The following ARAP2 variants were observed in gnomAD, a reference collection of about 807,000 sequenced individuals.
ARAP2 encodes arf-GAP with Rho-GAP domain, ANK repeat and PH domain-containing protein 2.
Under a neutral mutation model 194.5 loss-of-function variants are expected in ARAP2, and 148 were observed. The observed-to-expected ratio is 0.76, with a 90% CI of 0.67 to 0.87. ARAP2 has a LOEUF of 0.87. Among genes scored for constraint, ARAP2 ranks in the 40% least tolerant of loss-of-function variants. The pLI, the probability that ARAP2 is intolerant of heterozygous loss-of-function variation, is 0.00. For missense variants in ARAP2, 2,128 were observed against 1,989.7 expected (o/e 1.07, Z -1.32); for synonymous variants, 695 against 683.5 (o/e 1.02, Z -0.26).
intron 5 of ARAP2, among the ~76,000 whole-genome samples, chr4:36,029,224 T>A (rs895882932): frequency 1.3e-5 from 2 of 152,030 alleles, no homozygotes; most frequent in Admixed American, 6.6e-5. Context: ...TATTTGATTA[T>A]GTGTTTCTAC....
At chr4:36,025,908 G>C (rs963180737) in intron 5 of ARAP2, among the ~76,000 whole-genome samples, 2 of 152,166 alleles carry the variant, frequency 1.3e-5, no homozygotes, top group South Asian at 4.1e-4. Context: ...ATAAATTAGA[G>C]AGAAATAAAC....
At chr4:36,055,641 A>ACAACC (rs1393049620) in intron 2 of ARAP2, among the ~76,000 whole-genome samples, 1 of 151,882 alleles carries the variant, frequency 6.6e-6, no homozygotes, top group African/African-American at 2.4e-5. Flanking sequence ...TTGGCTCACC[A>ACAACC]CAACCTCTGC....
chr4:36,161,790 T>G (rs1734026298), intron 11 of ARAP2, among the ~76,000 whole-genome samples: 2 of 51,286 alleles, frequency 3.9e-5, no homozygotes, highest in African/African-American at 8.1e-5. Context: ...GCATCTGCAC[T>G]GACAAAAAAA....
chr4:36,230,422 T>C (rs935774152), intron 1 of ARAP2, among the ~76,000 whole-genome samples: 9 of 152,212 alleles, frequency 5.9e-5, no homozygotes, highest in East Asian at 1.9e-4. Flanking sequence ...ACAGGCAGCA[T>C]TGTATGTAAA....
At chr4:36,146,949 G>C in intron 19 of ARAP2, among the ~76,000 whole-genome samples, 1 of 151,960 alleles carries the variant, frequency 6.6e-6, no homozygotes, top group Non-Finnish European at 1.5e-5. Flanking sequence ...AGATAATTCA[G>C]AATATAATTT....
chr4:36,091,165 A>G (rs776315346), intron 28 of ARAP2, among the ~76,000 whole-genome samples: 11 of 152,178 alleles, frequency 7.2e-5, no homozygotes, highest in Non-Finnish European at 1.0e-4. Flanking sequence ...TTATTTTTTA[A>G]GCATTAAAAC....
intron 5 of ARAP2, among the ~76,000 whole-genome samples, chr4:36,029,243 C>G (rs549256234): frequency 3.6e-4 from 55 of 152,002 alleles, no homozygotes; most frequent in African/African-American, 1.3e-3. Context: ...ACTTATTTCT[C>G]CTTATACCTT....
chr4:36,239,549 T>C (rs1331188877), intron 1 of ARAP2, among the ~76,000 whole-genome samples: 1 of 152,166 alleles, frequency 6.6e-6, no homozygotes, highest in South Asian at 2.1e-4. Context: ...AAATACATGA[T>C]TCCACTTACA....
intron 28 of ARAP2, among the ~76,000 whole-genome samples, chr4:36,090,269 C>T (rs1443458615): frequency 3.9e-5 from 6 of 152,010 alleles, no homozygotes; most frequent in Non-Finnish European, 8.8e-5. Context: ...AATAAAAAGC[C>T]TACCAACCAC....
At chr4:36,139,009 G>A (rs1272235865) in intron 19 of ARAP2, among the ~76,000 whole-genome samples, 1 of 151,412 alleles carries the variant, frequency 6.6e-6, no homozygotes, top group Non-Finnish European at 1.5e-5. Context: ...TATTTTATTG[G>A]GTTTTTGTCT....
intron 8 of ARAP2, among the ~76,000 whole-genome samples, chr4:36,179,191 C>A (rs563414411): frequency 2.6e-5 from 4 of 152,164 alleles, no homozygotes; most frequent in South Asian, 2.1e-4. Context: ...GTAGACCATA[C>A]TGGAAGCCTG....
At chr4:36,134,344 T>A (rs1439072528) in intron 19 of ARAP2, among the ~76,000 whole-genome samples, 1 of 151,668 alleles carries the variant, frequency 6.6e-6, no homozygotes, top group African/African-American at 2.4e-5. Context: ...AATTTAGGAT[T>A]AACTAAGTGT....
intron 5 of ARAP2, among the ~76,000 whole-genome samples, chr4:36,043,783 AAGAAG>A (rs1356569644): frequency 4.3e-4 from 23 of 53,790 alleles, no homozygotes; most frequent in Admixed American, 1.8e-3. Flanking sequence ...AAAGAAAAGA[AAGAAG>A]AGAAGAGAAG....
intron 1 of ARAP2, among the ~76,000 whole-genome samples, chr4:36,234,857 A>C (rs1752162701): frequency 6.6e-6 from 1 of 152,224 alleles, no homozygotes; most frequent in Non-Finnish European, 1.5e-5. Context: ...ATACCAGATT[A>C]CTTGCTTATA....
At chr4:36,065,191 C>A, downstream of ARAP2, 2 of 353,466 alleles carry the variant, frequency 5.7e-6, no homozygotes, top group Non-Finnish European at 1.2e-5. Context: ...TGTCAAACTC[C>A]ACAAACTTGA....
At chr4:36,118,906 C>T (rs1200382715) in intron 24 of ARAP2, among the ~76,000 whole-genome samples, 1 of 151,306 alleles carries the variant, frequency 6.6e-6, no homozygotes, top group Non-Finnish European at 1.5e-5. Flanking sequence ...GTGGATATTT[C>T]AGGACTGAGG....
chr4:36,008,817 C>A (rs192804540), intron 9 of ARAP2, among the ~76,000 whole-genome samples: 97 of 152,134 alleles, frequency 6.4e-4, no homozygotes, highest in Admixed American at 1.1e-3. Context: ...GTCTATTATC[C>A]AGAATCTATA....
intron 9 of ARAP2, among the ~76,000 whole-genome samples, chr4:36,169,673 A>G (rs564794251): frequency 1.8e-4 from 28 of 152,166 alleles, no homozygotes; most frequent in Non-Finnish European, 3.5e-4. Context: ...CTGGGACTAC[A>G]GGTGTGCACC....
At chr4:36,199,083 C>T (rs1350938058) in intron 6 of ARAP2, among the ~76,000 whole-genome samples, 1 of 152,222 alleles carries the variant, frequency 6.6e-6, no homozygotes, top group Non-Finnish European at 1.5e-5. Context: ...GGGCAGGGCT[C>T]CCACTTGTCC....
Sources: allele counts gnomAD v4.1 joint callset (sites outside exome capture counted in the v4.1 genomes callset), GRCh38; gene constraint gnomAD v4.1.1; transcripts MANE v1.5; gene names NCBI Gene and HGNC (gene_info 2026-07-23, HGNC 2026-07-21).